Variants in CCDC191 observed in about 807,000 individuals in gnomAD.
CCDC191 encodes the protein coiled-coil domain-containing protein 191.
A neutral mutation model predicts 114.0 loss-of-function variants in CCDC191; 99 were observed. The observed-to-expected ratio is 0.87, with a 90% CI of 0.74 to 1.03. The LOEUF (loss-of-function observed/expected upper bound fraction) is 1.03, where lower values mean the gene tolerates loss of function less well. Ranked by LOEUF, CCDC191 falls within the 50% of genes least tolerant of loss-of-function variation. The probability of loss-of-function intolerance (pLI) is 0.00; values close to 1 mark genes in which losing one functional copy is unlikely to be tolerated. For missense variants in CCDC191, 973 were observed against 1,087.0 expected (o/e 0.90, Z 1.47); for synonymous variants, 351 against 376.0 (o/e 0.93, Z 0.77).
intron 1 of CCDC191, among the ~76,000 whole-genome samples, chr3:114,055,894 T>C (rs916732190): frequency 6.6e-6 from 1 of 152,110 alleles, no homozygotes; most frequent in Non-Finnish European, 1.5e-5. Context: ...GTATTCAATA[T>C]CCATTTGCAC....
chr3:114,046,636 T>C lies in CCDC191; in HGVS notation c.226A>G (p.Lys76Glu). The change falls in exon 3 of 17, where the codon AAA becomes GAA. Residue 76 changes from lysine to glutamate, a missense_variant. By Grantham distance (56) the Lys-to-Glu change is moderately conservative (BLOSUM62 1). Transcript: ENST00000295878. ...TGATCCTCTATTTGCTCAGATGTTT[T>C]CAAATCTGTGATTTGGCCCCAGGGA... Reference protein sequence around the residue: ...RSPWGQITDLKTSEQIEDHDE... With the variant: ...RSPWGQITDLETSEQIEDHDE... 1 of 1,611,508 alleles carries C rather than the reference T, an allele frequency of 6.2e-7. No homozygotes were observed. The highest frequency in any genetic ancestry group is 8.5e-7 in the Non-Finnish European group (1 of 1,177,732).
intron 16 of CCDC191, among the ~76,000 whole-genome samples, chr3:113,975,997 C>T (rs1941300393): frequency 6.6e-6 from 1 of 152,162 alleles, no homozygotes; most frequent in African/African-American, 2.4e-5. Context: ...ATGGCTCACA[C>T]CTGTAATCCT....
intron 16 of CCDC191, 107 bp from the exon 17 acceptor site, chr3:113,965,466 T>C (rs1452295339): frequency 3.3e-6 from 2 of 603,128 alleles, no homozygotes; most frequent in Non-Finnish European, 5.6e-6. Flanking sequence ...AATAAAATGC[T>C]GTATAAAAGG....
intron 16 of CCDC191, among the ~76,000 whole-genome samples, chr3:113,968,578 T>C (rs1316064385): frequency 1.3e-5 from 2 of 151,754 alleles, no homozygotes; most frequent in South Asian, 2.1e-4. Flanking sequence ...GCCTCCCCAG[T>C]AGCTGGGACT....
chr3:114,029,182 C>G (rs1388104549), intron 7 of CCDC191, among the ~76,000 whole-genome samples: 1 of 151,714 alleles, frequency 6.6e-6, no homozygotes, highest in African/African-American at 2.4e-5. Context: ...TCTTGTGGTG[C>G]CAACAAAAAA....
chr3:114,013,606 C>G (rs1040614480), intron 8 of CCDC191, among the ~76,000 whole-genome samples: 2 of 152,180 alleles, frequency 1.3e-5, no homozygotes, highest in Admixed American at 6.5e-5. Context: ...GAAAAATAGC[C>G]TATCCCAATT....
chr3:113,968,488 G>A (rs973365043), intron 16 of CCDC191, among the ~76,000 whole-genome samples: 2 of 150,534 alleles, frequency 1.3e-5, no homozygotes, highest in Non-Finnish European at 1.5e-5. Context: ...TCACTCTGTC[G>A]CCCAGGCTGG....
Position 114,004,208 on chromosome 3 carries a change from T to C in CCDC191, c.1978+429A>G, listed in dbSNP as rs546247922. The C allele has an allele frequency of 2.5e-5, 24 of 972,104 alleles. No individual in the cohort carries two copies. In the African/African-American group the frequency reaches 4.2e-4, roughly 17 times the overall value. The allele number at this position is 972,104 out of a possible 1,614,324, so 60.2% of individuals were successfully genotyped here. On this transcript the variant is annotated intron_variant, in intron 11 of 16. Coordinates refer to ENST00000295878, the MANE Select transcript of CCDC191 (RefSeq NM_020817.2). ...ATCCTATCAACAAGTTATAATATTA[T>C]AAAATAATAACTTATCTTGGATTAC... is the stretch of plus-strand genomic sequence containing the variant.
chr3:114,032,548 G>A (rs1287984889), intron 6 of CCDC191, among the ~76,000 whole-genome samples: 1 of 152,158 alleles, frequency 6.6e-6, no homozygotes, highest in Non-Finnish European at 1.5e-5. Flanking sequence ...TCAGGAATCA[G>A]AACTCATGAG....
At chr3:114,039,700 T>C (rs1211482432) in intron 4 of CCDC191, among the ~76,000 whole-genome samples, 1 of 150,898 alleles carries the variant, frequency 6.6e-6, no homozygotes, top group African/African-American at 2.5e-5. Flanking sequence ...AATGTGTGTG[T>C]TTGTGTCTTA....
In CCDC191 at chr3:114,010,855, TC is replaced by T; in HGVS notation, c.1329del (p.Lys444AsnfsTer24). On this transcript the variant is annotated frameshift_variant, in exon 9 of 17. Coordinates refer to ENST00000295878, the MANE Select transcript of CCDC191 (RefSeq NM_020817.2). LOFTEE classifies it high-confidence loss of function. The part of the protein sequence containing the change: ...MDALLQAASL[G>X]KLSANGLSGI... ...CCTGATAACCCATTGGCACTGAGTT[TC>T]CCCAGTGATGCTGCCTGCAGCAGTG... The T allele has an allele frequency of 6.2e-7, 1 of 1,614,054 alleles. No homozygotes were observed. Among genetic ancestry groups the T allele is most frequent in the Non-Finnish European group, 8.5e-7 (1 of 1,179,892 alleles).
At chr3:114,000,373 C>T (rs573616432) in intron 13 of CCDC191, among the ~76,000 whole-genome samples, 2 of 152,204 alleles carry the variant, frequency 1.3e-5, no homozygotes, top group Admixed American at 1.3e-4. Context: ...ATCAACTCCC[C>T]TGATTCTGAG....
chr3:114,013,047 T>G (rs1000171401), intron 8 of CCDC191, among the ~76,000 whole-genome samples: 1 of 151,924 alleles, frequency 6.6e-6, no homozygotes, highest in African/African-American at 2.4e-5. Context: ...CCCAGGAGTT[T>G]GAGACTTGGG....
intron 7 of CCDC191, among the ~76,000 whole-genome samples, chr3:114,024,905 G>C (rs1214957289): frequency 6.6e-6 from 1 of 152,190 alleles, no homozygotes; most frequent in African/African-American, 2.4e-5. Context: ...AGGAAGTGCA[G>C]TATTGAATTC....
rs1939928040 is a variant in CCDC191 at position 113,964,627 on chromosome 3, C to G, written c.*528G>C. 1 of 152,244 alleles carries G rather than the reference C, an allele frequency of 6.6e-6. No individual in the cohort carries two copies. Among genetic ancestry groups the G allele is most frequent in the Admixed American group, 6.5e-5 (1 of 15,278 alleles). The allele number at this position is 152,244 out of a possible 1,614,324, so 9.4% of individuals were successfully genotyped here. On this transcript the variant is annotated 3_prime_UTR_variant, in exon 17 of 17. Coordinates refer to ENST00000295878, the MANE Select transcript of CCDC191 (RefSeq NM_020817.2). ...TGAAATCAGGATAAGCTGCTGTCCT[C>G]TGCAGCAGCTGTGTAGAGAACCTTT...
Position 114,018,796 on chromosome 3 carries a change from T to TCCCAGCTTTC in CCDC191, c.1035_1044dup (p.Thr349GlufsTer7), listed in dbSNP as rs1388224602. ...AGCTGAATCTTCCAGTCAGACAGGGTCCCAGCTTTCCCCAGCTTAATCCTA... is the reference window on the plus strand; with the variant it reads ...AGCTGAATCTTCCAGTCAGACAGGGTCCCAGCTTTCCCCAGCTTTCCCCAGCTTAATCCTA... On this transcript the variant is annotated frameshift_variant, in exon 8 of 17. Coordinates refer to ENST00000295878, the MANE Select transcript of CCDC191 (RefSeq NM_020817.2). LOFTEE classifies it high-confidence loss of function. 2 of 1,613,666 alleles carry TCCCAGCTTTC rather than the reference T, an allele frequency of 1.2e-6. No homozygotes were observed. Among genetic ancestry groups the TCCCAGCTTTC allele is most frequent in the Admixed American group, 1.7e-5 (1 of 59,920 alleles).
chr3:114,027,601 CAAAAAAAAAAAAAAAA>C (rs67548547), intron 7 of CCDC191, among the ~76,000 whole-genome samples: 1 of 60,138 alleles, frequency 1.7e-5, no homozygotes, highest in African/African-American at 6.9e-5. Flanking sequence ...GACTCTGTCT[CAAAAAAAAAAAAAAAA>C]AAAAAGAAAA....
intron 13 of CCDC191, among the ~76,000 whole-genome samples, chr3:113,982,819 A>G (rs1304921064): frequency 6.6e-6 from 1 of 151,410 alleles, no homozygotes; most frequent in African/African-American, 2.4e-5. Context: ...TCAGTATGCA[A>G]ATATGTGCCA....
In CCDC191 at chr3:113,964,481, A is replaced by G. The variant is rs1939914632; in HGVS notation, c.*674T>C. ...GTATTATTCAGCAGTTGCAGGTGGGAGCATGAACAGATAATTTAATGAATT... is the reference window on the plus strand; with the variant it reads ...GTATTATTCAGCAGTTGCAGGTGGGGGCATGAACAGATAATTTAATGAATT... On this transcript the variant is annotated 3_prime_UTR_variant, in exon 17 of 17. Coordinates refer to ENST00000295878, the MANE Select transcript of CCDC191 (RefSeq NM_020817.2). 2 of 152,222 alleles carry G rather than the reference A, an allele frequency of 1.3e-5. No homozygotes were observed. 9.4% of individuals were successfully genotyped at this position (152,222 alleles called of 1,614,324 possible).
Sources: allele counts gnomAD v4.1 joint callset (sites outside exome capture counted in the v4.1 genomes callset), GRCh38; gene constraint gnomAD v4.1.1; transcripts MANE v1.5; gene names NCBI Gene and HGNC (gene_info 2026-07-23, HGNC 2026-07-21).